ERBB4: variants seen among roughly 807,000 people sequenced by gnomAD.
The protein encoded by ERBB4 is erb-b2 receptor tyrosine kinase 4.
A neutral mutation model predicts 158.0 loss-of-function variants in ERBB4; 42 were observed. The ratio of observed to expected loss-of-function variants is 0.27; its 90% CI spans 0.21 to 0.34. ERBB4 has a LOEUF of 0.34. Among genes scored for constraint, ERBB4 ranks in the 10% least tolerant of loss-of-function variants. The pLI, the probability that ERBB4 is intolerant of heterozygous loss-of-function variation, is 1.00. For missense variants in ERBB4, 1,333 were observed against 1,624.1 expected, an observed-to-expected ratio of 0.82 and a Z score of 3.08; for synonymous variants, 583 against 558.7, an observed-to-expected ratio of 1.04 and a Z score of -0.61.
At chr2:212,270,336 C>A (rs1458169496) in intron 1 of ERBB4, among the ~76,000 whole-genome samples, 1 of 151,768 alleles carries the variant, frequency 6.6e-6, no homozygotes, top group African/African-American at 2.4e-5. Flanking sequence ...TCACTTAGCT[C>A]AAGTCACAAG....
chr2:211,780,205 T>TA, intron 4 of ERBB4, among the ~76,000 whole-genome samples: 1 of 151,664 alleles, frequency 6.6e-6, no homozygotes, highest in East Asian at 1.9e-4. Context: ...CTACAAACAG[T>TA]AAAAAACAAT....
rs1173120096 is a variant in ERBB4 at position 212,381,887 on chromosome 2, T to C, written c.82+156562A>G. Among the ~76,000 whole-genome samples, 4 of 151,370 alleles carry C rather than the reference T, an allele frequency of 2.6e-5. No homozygotes were observed. In the East Asian group the frequency reaches 7.7e-4, roughly 29 times the overall value. On this transcript the variant is annotated intron_variant, in intron 1 of 27. Transcript: ENST00000342788. ...TCTGTTTTTATATATTATAACTTTA[T>C]ATGACATCATTCTTTTTTTCCCCTT... is the stretch of plus-strand genomic sequence containing the variant.
chr2:211,553,211 C>T (rs1404605784), intron 20 of ERBB4, among the ~76,000 whole-genome samples: 1 of 152,132 alleles, frequency 6.6e-6, no homozygotes, highest in Non-Finnish European at 1.5e-5. Flanking sequence ...TCACGTGATT[C>T]ACCCACCTTG....
chr2:211,588,531 A>G (rs1290753880), intron 19 of ERBB4, among the ~76,000 whole-genome samples: 2 of 152,164 alleles, frequency 1.3e-5, no homozygotes, highest in African/African-American at 4.8e-5. Flanking sequence ...TGACATTTAA[A>G]TTATTACTAT....
intron 1 of ERBB4, among the ~76,000 whole-genome samples, chr2:212,431,339 ACTATTTTTATT>A (rs750118359): frequency 1.2e-4 from 17 of 143,484 alleles, no homozygotes; most frequent in Non-Finnish European, 2.6e-4. Context: ...AACCTTCGTA[ACTATTTTTATT>A]CTTGTTTTCT....
At chr2:212,258,698 C>T (rs1521634) in intron 1 of ERBB4, among the ~76,000 whole-genome samples, 76,808 of 150,126 alleles carry the variant, frequency 0.51, 20,009 homozygotes, top group East Asian at 0.73. Flanking sequence ...AATAACAAAA[C>T]CTAGTCTCAG....
chr2:211,905,939 C>T (rs538217328), intron 3 of ERBB4, among the ~76,000 whole-genome samples: 4 of 151,090 alleles, frequency 2.6e-5, no homozygotes, highest in South Asian at 4.2e-4. Flanking sequence ...ACTTGAGATG[C>T]GGCCAGGAGG....
chr2:211,492,542 A>G (rs1158682795), intron 20 of ERBB4, among the ~76,000 whole-genome samples: 1 of 152,062 alleles, frequency 6.6e-6, no homozygotes, highest in Non-Finnish European at 1.5e-5. Context: ...CCGATGAAAA[A>G]CCTGTGAGGT....
At chr2:211,424,660 C>T (rs2063586524) in intron 22 of ERBB4, among the ~76,000 whole-genome samples, 2 of 152,060 alleles carry the variant, frequency 1.3e-5, no homozygotes, top group South Asian at 4.1e-4. Flanking sequence ...ACTATATATA[C>T]ATATGTATTC....
intron 1 of ERBB4, among the ~76,000 whole-genome samples, chr2:212,404,442 T>C (rs746226807): frequency 6.6e-6 from 1 of 152,040 alleles, no homozygotes; most frequent in Non-Finnish European, 1.5e-5. Flanking sequence ...ACAAATATTT[T>C]TGAGCAATGA....
intron 1 of ERBB4, among the ~76,000 whole-genome samples, chr2:212,480,711 G>A (rs1191570784): frequency 6.6e-6 from 1 of 152,170 alleles, no homozygotes; most frequent in Non-Finnish European, 1.5e-5. Flanking sequence ...ACACTGTACA[G>A]TTATGGCATA....
chr2:212,196,471 G>T (rs1184173889), intron 1 of ERBB4, among the ~76,000 whole-genome samples: 1 of 151,934 alleles, frequency 6.6e-6, no homozygotes, highest in Admixed American at 6.6e-5. Context: ...GGTATACTAG[G>T]TGTAATTTTA....
chr2:212,481,673 C>G (rs1228705970), intron 1 of ERBB4, among the ~76,000 whole-genome samples: 2 of 152,086 alleles, frequency 1.3e-5, no homozygotes, highest in Non-Finnish European at 2.9e-5. Flanking sequence ...AGAAGAAGCA[C>G]AACAAATACT....
chr2:212,408,039 T>C (rs2091397898), intron 1 of ERBB4, among the ~76,000 whole-genome samples: 1 of 151,998 alleles, frequency 6.6e-6, no homozygotes, highest in Admixed American at 6.6e-5. Context: ...TTTATAAATA[T>C]ATTAAAATAT....
At chr2:212,203,180 G>T (rs546285181) in intron 1 of ERBB4, among the ~76,000 whole-genome samples, 1 of 152,036 alleles carries the variant, frequency 6.6e-6, no homozygotes, top group Non-Finnish European at 1.5e-5. Flanking sequence ...GAACAAATGG[G>T]AGAAGAGATA....
intron 2 of ERBB4, among the ~76,000 whole-genome samples, chr2:211,999,471 T>C (rs923531368): frequency 6.6e-6 from 1 of 151,858 alleles, no homozygotes; most frequent in African/African-American, 2.4e-5. Flanking sequence ...TAAAACATTC[T>C]GAATAGTTCA....
intron 3 of ERBB4, among the ~76,000 whole-genome samples, chr2:211,830,156 G>A (rs772209091): frequency 1.7e-4 from 26 of 152,144 alleles, no homozygotes; most frequent in Non-Finnish European, 1.9e-4. Context: ...TGGGGACTGT[G>A]TCTTATTTGT....
At chr2:211,559,850 A>G (rs1470635790) in intron 20 of ERBB4, among the ~76,000 whole-genome samples, 1 of 152,242 alleles carries the variant, frequency 6.6e-6, no homozygotes, top group Non-Finnish European at 1.5e-5. Flanking sequence ...TAAGCTTACC[A>G]TATAGACAGA....
chr2:212,431,516 TCTG>T (rs2092029837), intron 1 of ERBB4, among the ~76,000 whole-genome samples: 1 of 152,088 alleles, frequency 6.6e-6, no homozygotes, highest in East Asian at 1.9e-4. Flanking sequence ...TGCCTTTGAC[TCTG>T]TTCAGAGTAT....
Sources: allele counts gnomAD v4.1 joint callset (sites outside exome capture counted in the v4.1 genomes callset), GRCh38; gene constraint gnomAD v4.1.1; transcripts MANE v1.5; gene names NCBI Gene and HGNC (gene_info 2026-07-23, HGNC 2026-07-21).